GPATCH2: variants seen among roughly 807,000 people sequenced by gnomAD.
GPATCH2 encodes G patch domain-containing protein 2.
A neutral mutation model predicts 58.0 loss-of-function variants in GPATCH2; 51 were observed. That is an observed-to-expected ratio of 0.88 (90% confidence interval 0.70 to 1.11). GPATCH2 has a LOEUF of 1.11. GPATCH2 is among the 50% of genes most tolerant of loss of function. The pLI, the probability that GPATCH2 is intolerant of heterozygous loss-of-function variation, is 0.00. For synonymous variants in GPATCH2, 222 were observed against 218.5 expected, an observed-to-expected ratio of 1.02 and a Z score of -0.14; for missense variants, 625 against 652.2, an observed-to-expected ratio of 0.96 and a Z score of 0.45.
At chr1:217,535,766 C>T (rs1484587944) in intron 5 of GPATCH2, among the ~76,000 whole-genome samples, 1 of 152,114 alleles carries the variant, frequency 6.6e-6, no homozygotes, top group Admixed American at 6.6e-5. Context: ...CAACTGACTC[C>T]GGTTTTACGA....
At chr1:217,439,877 C>T (rs535375489) in intron 9 of GPATCH2, among the ~76,000 whole-genome samples, 1 of 152,280 alleles carries the variant, frequency 6.6e-6, no homozygotes, top group South Asian at 2.1e-4. Flanking sequence ...CAATTAATAG[C>T]CTACCAACCA....
At chr1:217,441,351 T>TAATTC (rs56721531) in intron 9 of GPATCH2, among the ~76,000 whole-genome samples, 1 of 151,010 alleles carries the variant, frequency 6.6e-6, no homozygotes, top group Admixed American at 6.6e-5. Flanking sequence ...ATACAAAAAT[T>TAATTC]AAGATGGATT....
At chr1:217,629,937 C>T (rs1669658364) in intron 1 of GPATCH2, among the ~76,000 whole-genome samples, 1 of 152,158 alleles carries the variant, frequency 6.6e-6, no homozygotes. Flanking sequence ...TCTGAGATCA[C>T]AGACTACTAG....
chr1:217,515,167 C>T (rs1185154796), intron 5 of GPATCH2, among the ~76,000 whole-genome samples: 3 of 151,408 alleles, frequency 2.0e-5, no homozygotes, highest in Non-Finnish European at 4.4e-5. Flanking sequence ...GCGATCTCGG[C>T]TCACTGCAAG....
At chr1:217,577,575 C>T (rs79454660) in intron 5 of GPATCH2, among the ~76,000 whole-genome samples, 2,209 of 152,206 alleles carry the variant, frequency 0.015, 50 homozygotes, top group East Asian at 0.1. Context: ...TATCTCAATA[C>T]ATCCATTGAA....
chr1:217,491,578 G>T, intron 8 of GPATCH2, 102 bp downstream of exon 8: 2 of 525,274 alleles, frequency 3.8e-6, no homozygotes, highest in South Asian at 3.8e-5. Context: ...ATTTTAAGGT[G>T]ACTTTTTAGA....
chr1:217,511,557 G>C (rs1662851815), intron 6 of GPATCH2, among the ~76,000 whole-genome samples: 1 of 152,166 alleles, frequency 6.6e-6, no homozygotes, highest in Non-Finnish European at 1.5e-5. Context: ...CAGGAGGAAT[G>C]AAAGAAGGGT....
chr1:217,579,284 A>C (rs951348621), intron 5 of GPATCH2, among the ~76,000 whole-genome samples: 10 of 152,184 alleles, frequency 6.6e-5, no homozygotes, highest in Non-Finnish European at 1.3e-4. Context: ...GAATCTAATA[A>C]GGAAAGCGAA....
chr1:217,610,785 G>C (rs1668584242), intron 4 of GPATCH2, 104 bp downstream of exon 4: 1 of 738,132 alleles, frequency 1.4e-6, no homozygotes, highest in Non-Finnish European at 2.2e-6. Context: ...ACAGCATCTT[G>C]TGTTTACATT....
chr1:217,597,260 G>T (rs1425242192), intron 5 of GPATCH2, among the ~76,000 whole-genome samples: 2 of 151,760 alleles, frequency 1.3e-5, no homozygotes, highest in Non-Finnish European at 2.9e-5. Flanking sequence ...TTGAGCCCAG[G>T]AGTTCCAGGC....
chr1:217,596,358 G>A (rs1240673202), intron 5 of GPATCH2, among the ~76,000 whole-genome samples: 1 of 152,138 alleles, frequency 6.6e-6, no homozygotes, highest in African/African-American at 2.4e-5. Flanking sequence ...TAGCTTGATG[G>A]TTAAGTCCTT....
At chr1:217,494,320 C>T (rs971001817) in intron 7 of GPATCH2, among the ~76,000 whole-genome samples, 2 of 152,152 alleles carry the variant, frequency 1.3e-5, no homozygotes, top group Non-Finnish European at 2.9e-5. Context: ...CAAAAGGAAG[C>T]TCAGATAAAA....
At chr1:217,531,079 T>TAAA (rs1664167686) in intron 5 of GPATCH2, among the ~76,000 whole-genome samples, 1 of 151,146 alleles carries the variant, frequency 6.6e-6, no homozygotes, top group Admixed American at 6.6e-5. Context: ...ACACTTTATT[T>TAAA]AATTTTATAC....
rs1354039720 is a variant in GPATCH2 at position 217,491,830 on chromosome 1, T to C, written c.1207-80A>G. The C allele has an allele frequency of 1.3e-5, 7 of 557,218 alleles. No homozygotes were observed. In the South Asian group the frequency reaches 1.4e-4, roughly 11 times the overall value. 34.5% of individuals were successfully genotyped at this position (557,218 alleles called of 1,614,324 possible). ...TTTTGCAAGTAGGAAAATATTCTCA[T>C]TCAAAGGGACACTACTCATTTATTT... On this transcript the variant is annotated intron_variant, in intron 7 of 9. Transcript: ENST00000366935.
intron 6 of GPATCH2, among the ~76,000 whole-genome samples, chr1:217,509,910 A>G (rs9787345): frequency 0.57 from 86,760 of 152,010 alleles, 26,162 homozygotes; most frequent in East Asian, 0.84. Context: ...GGAAAAAATA[A>G]GAGAGATAGA....
chr1:217,507,990 G>A (rs568866925), intron 6 of GPATCH2, among the ~76,000 whole-genome samples: 4 of 152,072 alleles, frequency 2.6e-5, no homozygotes, highest in African/African-American at 4.8e-5. Context: ...ACAATATAAA[G>A]TATGTCATCA....
intron 5 of GPATCH2, among the ~76,000 whole-genome samples, chr1:217,525,821 GA>G (rs943761152): frequency 3.7e-4 from 56 of 151,850 alleles, no homozygotes; most frequent in Non-Finnish European, 1.5e-4. Context: ...ATAGCTTTTT[GA>G]AAAAAATTCT....
At chr1:217,550,534 T>G (rs575311178) in intron 5 of GPATCH2, among the ~76,000 whole-genome samples, 15 of 152,164 alleles carry the variant, frequency 9.9e-5, no homozygotes, top group African/African-American at 2.2e-4. Flanking sequence ...AAAATTATTT[T>G]TAGTGAATGA....
chr1:217,489,284 T>C (rs943861489), intron 8 of GPATCH2, among the ~76,000 whole-genome samples: 3 of 152,092 alleles, frequency 2.0e-5, no homozygotes, highest in Non-Finnish European at 4.4e-5. Context: ...TTTAATTACA[T>C]TTCCCCCTTC....
Sources: allele counts gnomAD v4.1 joint callset (sites outside exome capture counted in the v4.1 genomes callset), GRCh38; gene constraint gnomAD v4.1.1; transcripts MANE v1.5; gene names NCBI Gene and HGNC (gene_info 2026-07-23, HGNC 2026-07-21).